Variants in SCML4 observed in about 807,000 individuals in gnomAD.
SCML4 encodes the protein sex comb on midleg-like protein 4.
A neutral mutation model predicts 41.1 loss-of-function variants in SCML4; 34 were observed. That is an observed-to-expected ratio of 0.83 (90% confidence interval 0.63 to 1.10). SCML4 has a LOEUF of 1.10. Among genes scored for constraint, SCML4 ranks in the 50% least tolerant of loss-of-function variants. SCML4 has a pLI of 0.00. For synonymous variants in SCML4, 214 were observed against 220.9 expected, an observed-to-expected ratio of 0.97 and a Z score of 0.28; for missense variants, 522 against 534.1, an observed-to-expected ratio of 0.98 and a Z score of 0.22.
At chr6:107,825,956 A>AG (rs1583692712), upstream of SCML4, among the ~76,000 whole-genome samples, 1 of 149,206 alleles carries the variant, frequency 6.7e-6, no homozygotes, top group East Asian at 2.0e-4. Flanking sequence ...AAAAAAAAAA[A>AG]GAAAATAAGA....
chr6:107,777,009 G>A (rs182370746), intron 1 of SCML4, among the ~76,000 whole-genome samples: 15 of 152,260 alleles, frequency 9.9e-5, no homozygotes, highest in African/African-American at 3.6e-4. Flanking sequence ...GCATAAAAAG[G>A]TCTGGGGAAA....
At chr6:107,748,151 T>G (rs910138887) in intron 3 of SCML4, among the ~76,000 whole-genome samples, 1 of 152,338 alleles carries the variant, frequency 6.6e-6, no homozygotes, top group East Asian at 1.9e-4. Context: ...TTGTAAAACA[T>G]AGCCAAGAAA....
At chr6:107,803,599 G>A (rs1783469131) in intron 1 of SCML4, among the ~76,000 whole-genome samples, 1 of 146,140 alleles carries the variant, frequency 6.8e-6, no homozygotes, top group Non-Finnish European at 1.5e-5. Flanking sequence ...CGGTTTTGTG[G>A]AATAGAAACG....
At chr6:107,781,892 C>T (rs1781528206) in intron 1 of SCML4, among the ~76,000 whole-genome samples, 1 of 152,122 alleles carries the variant, frequency 6.6e-6, no homozygotes, top group Non-Finnish European at 1.5e-5. Context: ...GATGGGGGTA[C>T]AAGGAGCTCC....
the SCML4 span, among the ~76,000 whole-genome samples, chr6:107,835,673 G>A: frequency 3.4e-5 from 5 of 146,110 alleles, no homozygotes; most frequent in African/African-American, 1.0e-4. Context: ...ACTGAGATGG[G>A]ATGATCACTT....
intron 6 of SCML4, among the ~76,000 whole-genome samples, chr6:107,710,957 T>C (rs1441831513): frequency 1.5e-5 from 1 of 67,430 alleles, no homozygotes. Flanking sequence ...CAGAGCAAAG[T>C]CCCATCTGCT....
intron 2 of SCML4, among the ~76,000 whole-genome samples, chr6:107,760,123 G>A (rs890128477): frequency 6.6e-6 from 1 of 152,140 alleles, no homozygotes; most frequent in Non-Finnish European, 1.5e-5. Flanking sequence ...GTCAAAACCA[G>A]TGTTAGCACC....
At chr6:107,746,961 C>G (rs921666980) in intron 3 of SCML4, 72 bp from the exon 4 acceptor site, 1 of 1,298,568 alleles carries the variant, frequency 7.7e-7, no homozygotes, top group Non-Finnish European at 1.1e-6. Flanking sequence ...TCTGTGTACA[C>G]GGGGGATGCC....
At chr6:107,739,572 C>T (rs1031367743) in intron 5 of SCML4, among the ~76,000 whole-genome samples, 2 of 152,244 alleles carry the variant, frequency 1.3e-5, no homozygotes, top group South Asian at 4.2e-4. Flanking sequence ...CAGGCATTGT[C>T]CTGATGCAGA....
At chr6:107,755,528 C>T in intron 2 of SCML4, 1 of 1,029,066 alleles carries the variant, frequency 9.7e-7, no homozygotes, top group South Asian at 1.7e-5. Context: ...TGGCTAGAAG[C>T]TTTGCTCTAG....
intron 5 of SCML4, among the ~76,000 whole-genome samples, chr6:107,736,549 G>A (rs1054736870): frequency 9.2e-5 from 14 of 152,150 alleles, no homozygotes; most frequent in Non-Finnish European, 1.8e-4. Context: ...TGTGCGCCTC[G>A]CTGCATTACC....
At position 107,702,485 on chromosome 6, in the gene SCML4, C is replaced by T. The variant is rs1316080783; in HGVS notation, c.*2715G>A. Among the ~76,000 whole-genome samples the T allele has an allele frequency of 7.2e-5, 11 of 152,086 alleles. No individual in the cohort carries two copies. The highest frequency in any genetic ancestry group is 1.3e-4 in the Non-Finnish European group (9 of 68,034). On this transcript the variant is annotated 3_prime_UTR_variant, in exon 8 of 8. Transcript: ENST00000369020. The stretch of plus-strand genomic sequence containing the variant: ...GTTTTGAAAACTTGATACTGGAAGT[C>T]ACTACATGAGGTATCTGTTGATGGA...
intron 1 of SCML4, among the ~76,000 whole-genome samples, chr6:107,784,896 C>G (rs1215597893): frequency 1.4e-5 from 2 of 143,120 alleles, no homozygotes; most frequent in Middle Eastern, 3.5e-3. Flanking sequence ...GCTGAGCAGA[C>G]CAGCAACCAT....
At chr6:107,777,614 C>T (rs1781062314) in intron 1 of SCML4, among the ~76,000 whole-genome samples, 1 of 151,886 alleles carries the variant, frequency 6.6e-6, no homozygotes, top group Non-Finnish European at 1.5e-5. Context: ...ACGTTGCAAA[C>T]AAAAGTAACA....
At chr6:107,808,847 CAT>C (rs1343778978) in intron 1 of SCML4, among the ~76,000 whole-genome samples, 17 of 152,146 alleles carry the variant, frequency 1.1e-4, no homozygotes, top group African/African-American at 2.4e-4. Flanking sequence ...TTATAAATAA[CAT>C]ATATGTGTAT....
At chr6:107,823,892 T>C (rs546470753) in intron 1 of SCML4, among the ~76,000 whole-genome samples, 1 of 152,380 alleles carries the variant, frequency 6.6e-6, no homozygotes, top group African/African-American at 2.4e-5. Context: ...TATAATTCAA[T>C]GTTACATTTT....
chr6:107,705,125 G>T lies in SCML4; in HGVS notation c.*75C>A. 2 of 1,310,992 alleles carry T rather than the reference G, an allele frequency of 1.5e-6. No individual in the cohort carries two copies. Among genetic ancestry groups the T allele is most frequent in the Non-Finnish European group, 2.2e-6 (2 of 928,816 alleles). 81.2% of individuals were successfully genotyped at this position (1,310,992 alleles called of 1,614,324 possible). A position where few individuals can be genotyped will look rare whatever the true frequency, so the allele number is the denominator to read the frequency against. On this transcript the variant is annotated 3_prime_UTR_variant, in exon 8 of 8. Coordinates refer to ENST00000369020, the MANE Select transcript of SCML4 (RefSeq NM_198081.5). ...AGAGGAGAGTCTAGTTTGTGATGTT[G>T]GCGGGATATTGGTAAGGCAGAAGAT...
At chr6:107,749,606 C>T in intron 3 of SCML4, 78 bp downstream of exon 3, 1 of 1,544,726 alleles carries the variant, frequency 6.5e-7, no homozygotes, top group South Asian at 1.2e-5. Flanking sequence ...CTCTTTAATC[C>T]ACAAAGTAAC....
intron 1 of SCML4, among the ~76,000 whole-genome samples, chr6:107,818,849 A>T (rs1252133435): frequency 6.6e-6 from 1 of 152,212 alleles, no homozygotes; most frequent in African/African-American, 2.4e-5. Flanking sequence ...AGGGCCTTAG[A>T]CATGGCAGCT....
Sources: allele counts gnomAD v4.1 joint callset (sites outside exome capture counted in the v4.1 genomes callset), GRCh38; gene constraint gnomAD v4.1.1; transcripts MANE v1.5; gene names NCBI Gene and HGNC (gene_info 2026-07-23, HGNC 2026-07-21).